CNTNAP5: variants seen among roughly 807,000 people sequenced by gnomAD.
CNTNAP5 encodes the protein contactin-associated protein-like 5.
CNTNAP5 carries 72 observed loss-of-function variants against 150.2 expected under a neutral mutation model. That is an observed-to-expected ratio of 0.48 (90% CI 0.40 to 0.58). The LOEUF (loss-of-function observed/expected upper bound fraction) is 0.58, where lower values mean the gene tolerates loss of function less well. CNTNAP5 is among the 20% of genes least tolerant of loss of function. CNTNAP5 has a pLI of 0.00. For missense variants in CNTNAP5, 1,636 were observed against 1,626.2 expected, an observed-to-expected ratio of 1.01 and a Z score of -0.10; for synonymous variants, 672 against 619.8, an observed-to-expected ratio of 1.08 and a Z score of -1.25.
At chr2:124,872,728 C>T (rs970413553) in intron 21 of CNTNAP5, among the ~76,000 whole-genome samples, 1 of 151,754 alleles carries the variant, frequency 6.6e-6, no homozygotes, top group Non-Finnish European at 1.5e-5. Flanking sequence ...GGCTTACGGA[C>T]CACAAAGCCC....
chr2:124,068,504 G>C (rs1024654331), intron 1 of CNTNAP5, among the ~76,000 whole-genome samples: 5 of 152,068 alleles, frequency 3.3e-5, no homozygotes, highest in Non-Finnish European at 7.4e-5. Flanking sequence ...TATGGTCCTA[G>C]GTGAATCTGA....
In CNTNAP5 at chr2:124,312,866, G is replaced by A. The variant is rs183986189; in HGVS notation, c.381+70473G>A. Among the ~76,000 whole-genome samples the A allele has an allele frequency of 5.9e-5, 9 of 152,262 alleles. No homozygotes were observed. In the East Asian group the frequency reaches 7.7e-4, roughly 13 times the overall value. On this transcript the variant is annotated intron_variant, in intron 3 of 23. Transcript: ENST00000682447. ...ATTACAGGCGTGAGCCACCAGGCTC[G>A]GCCAATTTTTGTATTCTTAGTAGAG...
At chr2:124,849,363 T>C (rs1192390527) in intron 19 of CNTNAP5, among the ~76,000 whole-genome samples, 1 of 152,136 alleles carries the variant, frequency 6.6e-6, no homozygotes, top group Non-Finnish European at 1.5e-5. Flanking sequence ...TACCATACTA[T>C]TTTTTTGTTT....
intron 3 of CNTNAP5, among the ~76,000 whole-genome samples, chr2:124,416,675 T>G (rs1422199585): frequency 6.6e-6 from 1 of 152,160 alleles, no homozygotes; most frequent in African/African-American, 2.4e-5. Flanking sequence ...CTAGGCTTCT[T>G]TTTTTAAAAA....
At chr2:124,667,529 G>A (rs1678725627) in intron 13 of CNTNAP5, among the ~76,000 whole-genome samples, 1 of 152,188 alleles carries the variant, frequency 6.6e-6, no homozygotes, top group Admixed American at 6.5e-5. Flanking sequence ...GTACCGTTGG[G>A]TTTTGGTGGG....
chr2:124,565,273 A>G (rs1026466631), intron 11 of CNTNAP5, among the ~76,000 whole-genome samples: 2 of 152,172 alleles, frequency 1.3e-5, no homozygotes, highest in African/African-American at 4.8e-5. Flanking sequence ...GTTTGGCTTT[A>G]TAAAAATATA....
At chr2:124,713,778 C>A (rs1679889055) in intron 13 of CNTNAP5, among the ~76,000 whole-genome samples, 1 of 152,172 alleles carries the variant, frequency 6.6e-6, no homozygotes. Flanking sequence ...GAAACCTGAT[C>A]TTCTCTTGTG....
chr2:124,773,997 G>A (rs1403630701), intron 17 of CNTNAP5, among the ~76,000 whole-genome samples: 1 of 150,668 alleles, frequency 6.6e-6, no homozygotes, highest in South Asian at 2.1e-4. Context: ...CCTTATAGCT[G>A]TAGTTAAAAA....
intron 1 of CNTNAP5, among the ~76,000 whole-genome samples, chr2:124,061,772 G>T (rs1682016438): frequency 6.6e-6 from 1 of 152,154 alleles, no homozygotes; most frequent in South Asian, 2.1e-4. Context: ...AGCCTTCCCA[G>T]TTGGCCCAAA....
chr2:124,353,473 G>A (rs531540148), intron 3 of CNTNAP5, among the ~76,000 whole-genome samples: 12 of 152,118 alleles, frequency 7.9e-5, no homozygotes, highest in African/African-American at 2.9e-4. Flanking sequence ...CAAACAGCAA[G>A]GTTGTCTGCC....
intron 19 of CNTNAP5, among the ~76,000 whole-genome samples, chr2:124,829,599 TA>T (rs377489033): frequency 0.055 from 8,198 of 148,466 alleles, 683 homozygotes; most frequent in African/African-American, 0.18. Context: ...AATTAGAAAT[TA>T]AAAAAAAAAA....
intron 11 of CNTNAP5, among the ~76,000 whole-genome samples, chr2:124,578,862 A>T (rs1008857269): frequency 2.6e-5 from 4 of 152,210 alleles, no homozygotes; most frequent in Non-Finnish European, 5.9e-5. Context: ...AGGATCATAG[A>T]TCAAGACTTC....
intron 13 of CNTNAP5, among the ~76,000 whole-genome samples, chr2:124,683,059 CT>C (rs1679105932): frequency 6.6e-6 from 1 of 152,084 alleles, no homozygotes; most frequent in African/African-American, 2.4e-5. Flanking sequence ...CTTGTGAACA[CT>C]TTTTTGGGGT....
intron 2 of CNTNAP5, 74 bp from the exon 3 acceptor site, chr2:124,242,126 C>T (rs538193843): frequency 6.5e-6 from 8 of 1,233,548 alleles, no homozygotes; most frequent in Non-Finnish European, 6.9e-6. Flanking sequence ...TTTCATTTCC[C>T]TTTGATAGTT....
At chr2:124,840,334 T>C (rs1318585864) in intron 19 of CNTNAP5, among the ~76,000 whole-genome samples, 3 of 152,074 alleles carry the variant, frequency 2.0e-5, no homozygotes, top group African/African-American at 7.2e-5. Context: ...GGCTTGGGCA[T>C]TACAGAATAC....
intron 1 of CNTNAP5, among the ~76,000 whole-genome samples, chr2:124,085,075 C>T (rs1046929268): frequency 6.6e-6 from 1 of 151,914 alleles, no homozygotes; most frequent in South Asian, 2.1e-4. Flanking sequence ...GCACCCACCA[C>T]CACGCCCAGC....
At chr2:124,199,215 A>G (rs1323369237) in intron 1 of CNTNAP5, among the ~76,000 whole-genome samples, 1 of 152,128 alleles carries the variant, frequency 6.6e-6, no homozygotes, top group Non-Finnish European at 1.5e-5. Flanking sequence ...AGGACAGAGG[A>G]AAAGGAATTC....
chr2:124,245,152 A>T (rs987719619), intron 3 of CNTNAP5, among the ~76,000 whole-genome samples: 4 of 152,206 alleles, frequency 2.6e-5, no homozygotes, highest in African/African-American at 4.8e-5. Context: ...ACATGTTGCT[A>T]AATATAAAAG....
At chr2:124,229,358 G>A (rs935335654) in intron 2 of CNTNAP5, among the ~76,000 whole-genome samples, 4 of 152,112 alleles carry the variant, frequency 2.6e-5, no homozygotes, top group Non-Finnish European at 4.4e-5. Context: ...CGGCACACGA[G>A]GAGGGGATTA....
Sources: gnomAD v4.1 joint callset for allele counts (sites outside exome capture counted in the v4.1 genomes callset) on GRCh38, gnomAD v4.1.1 for gene constraint, MANE v1.5 for transcripts, NCBI Gene and HGNC (gene_info 2026-07-23, HGNC 2026-07-21) for gene names.